The following TSPAN9 variants were observed in gnomAD, a reference collection of about 807,000 sequenced individuals.
The protein encoded by TSPAN9 is tetraspanin 9, also known as tetraspanin-9.
In TSPAN9, 16 loss-of-function variants were observed where a neutral mutation model predicts 31.0. The observed-to-expected ratio is 0.52, with a 90% CI of 0.35 to 0.78. The LOEUF (loss-of-function observed/expected upper bound fraction) is 0.78, where lower values mean the gene tolerates loss of function less well. Ranked by LOEUF, TSPAN9 falls within the 30% of genes least tolerant of loss-of-function variation. The pLI is 0.01. For synonymous variants in TSPAN9, 145 were observed against 121.6 expected, an observed-to-expected ratio of 1.19 and a Z score of -1.27; for missense variants, 272 against 312.5, an observed-to-expected ratio of 0.87 and a Z score of 0.98.
chr12:3,139,461 G>T (rs2098333714), intron 2 of TSPAN9, among the ~76,000 whole-genome samples: 1 of 152,236 alleles, frequency 6.6e-6, no homozygotes, highest in Non-Finnish European at 1.5e-5. Flanking sequence ...GGGATGGTGG[G>T]ATTCGCTTCA....
At chr12:3,153,286 G>A (rs751624071) in intron 2 of TSPAN9, among the ~76,000 whole-genome samples, 9 of 152,092 alleles carry the variant, frequency 5.9e-5, no homozygotes, top group African/African-American at 1.7e-4. Context: ...AAGTAATGCC[G>A]TATAATAGGA....
chr12:3,257,926 C>T (rs372021418), intron 3 of TSPAN9, among the ~76,000 whole-genome samples: 38 of 152,056 alleles, frequency 2.5e-4, no homozygotes, highest in African/African-American at 8.5e-4. Context: ...GCAGGCCCTT[C>T]CCCCCAGGCA....
chr12:3,171,834 T>C (rs2098351988), intron 2 of TSPAN9: 1 of 152,190 alleles, frequency 6.6e-6, no homozygotes, highest in East Asian at 1.9e-4. Context: ...GCAGTGAATC[T>C]CTGGGAGCGT....
chr12:3,210,794 G>C (rs2098378275), intron 3 of TSPAN9, among the ~76,000 whole-genome samples: 1 of 150,890 alleles, frequency 6.6e-6, no homozygotes. Context: ...AGCCAGGCTG[G>C]AGTGCAGTGG....
At chr12:3,111,412 GA>G (rs1314264265) in intron 2 of TSPAN9, among the ~76,000 whole-genome samples, 1 of 152,094 alleles carries the variant, frequency 6.6e-6, no homozygotes, top group Non-Finnish European at 1.5e-5. Flanking sequence ...TGTGACCTTG[GA>G]AAACTCACCT....
rs986775456 is a variant in TSPAN9 at position 3,283,263 on chromosome 12, T to C, written c.*147T>C. On this transcript the variant is annotated 3_prime_UTR_variant, in exon 9 of 9. Transcript: ENST00000011898. The stretch of plus-strand genomic sequence containing the variant: ...CTACCCCACCTACCCTGCCTCAGCC[T>C]CGGACTTCTCAGTGGGTGGAGTGCC... 2 of 788,796 alleles carry C rather than the reference T, an allele frequency of 2.5e-6. No individual in the cohort carries two copies. Among genetic ancestry groups the C allele is most frequent in the African/African-American group, 3.5e-5 (2 of 56,438 alleles). 48.9% of individuals were successfully genotyped at this position (788,796 alleles called of 1,614,324 possible).
intron 5 of TSPAN9, among the ~76,000 whole-genome samples, chr12:3,279,713 A>T (rs186631247): frequency 3.3e-3 from 496 of 152,332 alleles, no homozygotes; most frequent in Non-Finnish European, 5.6e-3. Context: ...AGTTCTTGAA[A>T]TAGCTGCCTG....
chr12:3,194,761 T>C (rs1405902734), intron 2 of TSPAN9, among the ~76,000 whole-genome samples: 1 of 152,200 alleles, frequency 6.6e-6, no homozygotes, highest in East Asian at 1.9e-4. Flanking sequence ...CATTCCTTCT[T>C]TTCTACCCCA....
intron 3 of TSPAN9, among the ~76,000 whole-genome samples, chr12:3,224,876 G>C (rs185973914): frequency 1.5e-3 from 232 of 152,244 alleles, no homozygotes; most frequent in African/African-American, 5.4e-3. Context: ...AGGGGCTTGT[G>C]GGGGGCTGCT....
intron 3 of TSPAN9, among the ~76,000 whole-genome samples, chr12:3,236,490 C>T (rs1370403052): frequency 6.6e-6 from 1 of 152,216 alleles, no homozygotes; most frequent in Non-Finnish European, 1.5e-5. Context: ...CTTCAGCTGC[C>T]TGCCTCTGAG....
chr12:3,263,834 C>T (rs1437174186), intron 3 of TSPAN9, among the ~76,000 whole-genome samples: 1 of 152,082 alleles, frequency 6.6e-6, no homozygotes. Context: ...AGAGGTGGGG[C>T]TTCAGCTGGG....
chr12:3,272,023 C>T (rs984581823), intron 3 of TSPAN9, among the ~76,000 whole-genome samples: 5 of 152,152 alleles, frequency 3.3e-5, no homozygotes, highest in African/African-American at 7.2e-5. Context: ...TATTAAATGC[C>T]ATTAAATGTT....
intron 3 of TSPAN9, among the ~76,000 whole-genome samples, chr12:3,258,881 GC>G (rs1003668324): frequency 1.3e-5 from 2 of 152,120 alleles, no homozygotes; most frequent in African/African-American, 2.4e-5. Flanking sequence ...AGACTACATT[GC>G]CCCCCACTGT....
At chr12:3,221,700 G>A (rs537508280) in intron 3 of TSPAN9, among the ~76,000 whole-genome samples, 16 of 152,082 alleles carry the variant, frequency 1.1e-4, no homozygotes, top group Admixed American at 4.6e-4. Context: ...CTGTCACCCA[G>A]GCTGGAATCC....
At chr12:3,273,658 T>C (rs1417443078) in intron 3 of TSPAN9, among the ~76,000 whole-genome samples, 1 of 152,218 alleles carries the variant, frequency 6.6e-6, no homozygotes, top group Non-Finnish European at 1.5e-5. Context: ...TCCTGTGCTA[T>C]GTGCTGGGCT....
intron 3 of TSPAN9, among the ~76,000 whole-genome samples, chr12:3,255,837 G>C (rs1862335004): frequency 6.6e-6 from 1 of 152,246 alleles, no homozygotes; most frequent in Non-Finnish European, 1.5e-5. Context: ...CATCCGTACA[G>C]AGATGAGAGC....
At chr12:3,126,881 TCAAA>T (rs1404492969) in intron 2 of TSPAN9, among the ~76,000 whole-genome samples, 4 of 152,032 alleles carry the variant, frequency 2.6e-5, no homozygotes, top group Admixed American at 6.5e-5. Flanking sequence ...AGACCCTGTC[TCAAA>T]CAAACAAACA....
At chr12:3,261,153 G>A (rs1862442314) in intron 3 of TSPAN9, among the ~76,000 whole-genome samples, 4 of 152,284 alleles carry the variant, frequency 2.6e-5, no homozygotes, top group Admixed American at 6.5e-5. Flanking sequence ...GGAGATTTGC[G>A]GGGATGTGGC....
chr12:3,281,125 G>T (rs1862884178), intron 6 of TSPAN9, 73 bp from the exon 7 acceptor site: 12 of 1,541,180 alleles, frequency 7.8e-6, no homozygotes, highest in Non-Finnish European at 1.0e-5. Context: ...GTTGGCCTGG[G>T]CAGGGGAAGG....
Sources: gnomAD v4.1 joint callset for allele counts (sites outside exome capture counted in the v4.1 genomes callset) on GRCh38, gnomAD v4.1.1 for gene constraint, MANE v1.5 for transcripts, NCBI Gene and HGNC (gene_info 2026-07-23, HGNC 2026-07-21) for gene names.